Variants in GPRIN3 observed in about 807,000 individuals in gnomAD.
The protein encoded by GPRIN3 is GPRIN family member 3.
GPRIN3 carries 12 observed loss-of-function variants against 13.7 expected under a neutral mutation model. The ratio of observed to expected loss-of-function variants is 0.87; its 90% CI spans 0.56 to 1.42. The LOEUF (loss-of-function observed/expected upper bound fraction) is 1.42, where lower values mean the gene tolerates loss of function less well. Among genes scored for constraint, GPRIN3 ranks in the 40% most tolerant of loss-of-function variants. The pLI, the probability that GPRIN3 is intolerant of heterozygous loss-of-function variation, is 0.00. For synonymous variants in GPRIN3, 377 were observed against 372.7 expected, an observed-to-expected ratio of 1.01 and a Z score of -0.13; for missense variants, 1,009 against 958.7, an observed-to-expected ratio of 1.05 and a Z score of -0.69.
intron 1 of GPRIN3, among the ~76,000 whole-genome samples, chr4:89,284,396 G>A (rs1724342319): frequency 6.6e-6 from 1 of 152,202 alleles, no homozygotes; most frequent in South Asian, 2.1e-4. Flanking sequence ...GTTCACATCT[G>A]GTTGGCCACT....
At chr4:89,252,298 A>G (rs1723350826) in intron 1 of GPRIN3, among the ~76,000 whole-genome samples, 2 of 152,156 alleles carry the variant, frequency 1.3e-5, no homozygotes, top group Non-Finnish European at 2.9e-5. Flanking sequence ...AGAAAGAATA[A>G]CTAGACACTA....
At position 89,250,251 on chromosome 4, in the gene GPRIN3, A is replaced by G; in HGVS notation, c.-123-18T>C. ...GAACCAGCCTGTGAATCAAGGAAAC[A>G]GCATCATTAATACAGTACGTCGCTT... is the stretch of plus-strand genomic sequence containing the variant. On this transcript the variant is annotated intron_variant, in intron 1 of 1. Coordinates refer to ENST00000609438, the MANE Select transcript of GPRIN3 (RefSeq NM_198281.3). The G allele has an allele frequency of 6.7e-7, 1 of 1,482,482 alleles. No individual in the cohort carries two copies. The highest frequency in any genetic ancestry group is 1.4e-5 in the South Asian group (1 of 69,192). The allele number at this position is 1,482,482 out of a possible 1,614,324, so 91.8% of individuals were successfully genotyped here.
intron 1 of GPRIN3, among the ~76,000 whole-genome samples, chr4:89,274,055 A>G (rs576687480): frequency 6.6e-6 from 1 of 152,362 alleles, no homozygotes; most frequent in Non-Finnish European, 1.5e-5. Context: ...AGTGGGAAAG[A>G]CAGACAATGA....
intron 1 of GPRIN3, among the ~76,000 whole-genome samples, chr4:89,281,962 CTTTT>C (rs34213357): frequency 1.5e-5 from 2 of 136,550 alleles, no homozygotes; most frequent in African/African-American, 2.6e-5. Flanking sequence ...ATGCAGTCAT[CTTTT>C]TTTTTTTTTT....
chr4:89,260,726 C>T (rs1723600150), intron 1 of GPRIN3, among the ~76,000 whole-genome samples: 1 of 151,942 alleles, frequency 6.6e-6, no homozygotes, highest in African/African-American at 2.4e-5. Context: ...GAAAAAGTTG[C>T]CCCTATGTAA....
At chr4:89,303,760 T>C (rs1299149942) in intron 1 of GPRIN3, among the ~76,000 whole-genome samples, 1 of 149,378 alleles carries the variant, frequency 6.7e-6, no homozygotes, top group Non-Finnish European at 1.5e-5. Flanking sequence ...CCATTATATA[T>C]ATTTATATAT....
rs767649789 is a variant in GPRIN3, at chr4:89,248,443, G to C, written c.1668C>G (p.Thr556=). The C allele has an allele frequency of 3.1e-6, 5 of 1,614,054 alleles. No individual in the cohort carries two copies. In the Admixed American group the frequency reaches 8.3e-5, roughly 27 times the overall value. Residue 556 remains threonine (T), a synonymous_variant, in exon 2 of 2, where the codon ACC becomes ACG. Transcript: ENST00000609438. ...VKEKESTGTD[T]SDAKTLLLNP... is the part of the protein sequence containing the mutation. Reference sequence around the variant, plus strand: ...TGAGCAGTAGGGTTTTGGCATCCGAGGTATCAGTGCCAGTAGACTCTTTTT... The same window carrying C: ...TGAGCAGTAGGGTTTTGGCATCCGACGTATCAGTGCCAGTAGACTCTTTTT...
intron 1 of GPRIN3, among the ~76,000 whole-genome samples, chr4:89,295,658 A>C (rs1411952602): frequency 6.6e-6 from 1 of 152,184 alleles, no homozygotes; most frequent in African/African-American, 2.4e-5. Flanking sequence ...ATTTAAAAAA[A>C]AACAAGTGGT....
At chr4:89,307,335 T>C (rs968443015) in intron 1 of GPRIN3, among the ~76,000 whole-genome samples, 2 of 151,422 alleles carry the variant, frequency 1.3e-5, no homozygotes, top group African/African-American at 2.4e-5. Flanking sequence ...GCAGACCCGA[T>C]TGATTATAAA....
chr4:89,307,076 T>G (rs1725052262), intron 1 of GPRIN3, among the ~76,000 whole-genome samples: 1 of 152,118 alleles, frequency 6.6e-6, no homozygotes, highest in South Asian at 2.1e-4. Context: ...TTAGTGAACA[T>G]GTCTCTACAA....
In GPRIN3 at chr4:89,249,443, C is replaced by T; in HGVS notation, c.668G>A (p.Arg223Lys). The change falls in exon 2 of 2, where the codon AGG becomes AAG. Residue 223 changes from arginine to lysine, a missense_variant. Arg to Lys is a conservative substitution (Grantham distance 26, BLOSUM62 2). Transcript: ENST00000609438. ...SSPVGGPEGE[R>K]QGAICDSEMR... The stretch of plus-strand genomic sequence containing the variant: ...TTCAGAGTCACAGATGGCTCCCTGC[C>T]TTTCCCCTTCAGGTCCACCTACAGG... 6.2e-7 allele frequency: 1 copy of T among 1,614,132 alleles called. No homozygotes were observed. Among genetic ancestry groups the T allele is most frequent in the Non-Finnish European group, 8.5e-7 (1 of 1,180,020 alleles).
chr4:89,248,139 G>T lies in GPRIN3; in HGVS notation c.1972C>A (p.Leu658Ile). Residue 658 changes from leucine (L) to isoleucine (I), a missense_variant, in exon 2 of 2, where the codon CTC (leucine) becomes ATC (isoleucine). Leu to Ile is a conservative substitution (Grantham distance 5). Coordinates refer to ENST00000609438, the MANE Select transcript of GPRIN3 (RefSeq NM_198281.3). ...NVTAAAAQVG[L>I]TPGDKKKQLG... Reference sequence around the variant, plus strand: ...TGCTTTTTCTTATCTCCTGGAGTGAGTCCTACCTGAGCAGCAGCTGCTGTC... The same window carrying T: ...TGCTTTTTCTTATCTCCTGGAGTGATTCCTACCTGAGCAGCAGCTGCTGTC... 1.9e-6 allele frequency: 3 copies of T among 1,614,134 alleles called. No homozygotes were observed. The highest frequency in any genetic ancestry group is 1.1e-5 in the South Asian group (1 of 91,082).
chr4:89,286,478 T>C (rs1724416666), intron 1 of GPRIN3, among the ~76,000 whole-genome samples: 2 of 152,180 alleles, frequency 1.3e-5, no homozygotes, highest in Non-Finnish European at 2.9e-5. Context: ...ACAGCTGGTA[T>C]TTCTTTTTGT....
At chr4:89,256,423 C>T (rs1364812568) in intron 1 of GPRIN3, among the ~76,000 whole-genome samples, 1 of 152,140 alleles carries the variant, frequency 6.6e-6, no homozygotes, top group Admixed American at 6.6e-5. Flanking sequence ...CACTACTATG[C>T]CATGCTGCCT....
In GPRIN3 at chr4:89,240,562, G is replaced by T. The variant is rs1722896079; in HGVS notation, c.*7218C>A. On this transcript the variant is annotated 3_prime_UTR_variant, in exon 2 of 2. Coordinates refer to ENST00000609438, the MANE Select transcript of GPRIN3 (RefSeq NM_198281.3). ...CAAAAGGAGTCTCCAAAACATAATC[G>T]ATTTTCATCCCTGTTTGCCATTTCC... The T allele has an allele frequency of 6.6e-6, 1 of 152,144 alleles. No individual in the cohort carries two copies. Among genetic ancestry groups the T allele is most frequent in the Non-Finnish European group, 1.5e-5 (1 of 68,000 alleles). 9.4% of individuals were successfully genotyped at this position (152,144 alleles called of 1,614,324 possible). A position where few individuals can be genotyped will look rare whatever the true frequency, so the allele number is the denominator to read the frequency against.
intron 1 of GPRIN3, among the ~76,000 whole-genome samples, chr4:89,300,092 C>A (rs751214979): frequency 1.3e-5 from 2 of 152,126 alleles, no homozygotes; most frequent in Non-Finnish European, 1.5e-5. Context: ...ACAGACTCTA[C>A]AAATTTTGAT....
At chr4:89,262,097 G>A (rs1357615258) in intron 1 of GPRIN3, among the ~76,000 whole-genome samples, 2 of 143,082 alleles carry the variant, frequency 1.4e-5, no homozygotes, top group Non-Finnish European at 3.0e-5. Flanking sequence ...CTGCACTCCA[G>A]CCTAGATGAC....
chr4:89,253,404 A>T (rs368556488), intron 1 of GPRIN3, among the ~76,000 whole-genome samples: 1 of 152,330 alleles, frequency 6.6e-6, no homozygotes, highest in African/African-American at 2.4e-5. Context: ...TGTGTCTGTA[A>T]CCCAGGTTTA....
chr4:89,255,501 A>C (rs1430796704), intron 1 of GPRIN3, among the ~76,000 whole-genome samples: 1 of 152,190 alleles, frequency 6.6e-6, no homozygotes, highest in East Asian at 1.9e-4. Flanking sequence ...ATTGCAATAG[A>C]GTAGAGAGAT....
Sources: gnomAD v4.1 joint callset for allele counts (sites outside exome capture counted in the v4.1 genomes callset) on GRCh38, gnomAD v4.1.1 for gene constraint, MANE v1.5 for transcripts, NCBI Gene and HGNC (gene_info 2026-07-23, HGNC 2026-07-21) for gene names.